The following FSTL4 variants were observed in gnomAD, a reference collection of about 807,000 sequenced individuals.
FSTL4 encodes follistatin-related protein 4.
FSTL4 carries 28 observed loss-of-function variants against 78.2 expected under a neutral mutation model. The observed-to-expected ratio is 0.36, with a 90% CI of 0.27 to 0.49. The LOEUF (loss-of-function observed/expected upper bound fraction) is 0.49. FSTL4 is among the 20% of genes least tolerant of loss of function. The pLI is 0.98. For synonymous variants in FSTL4, 422 were observed against 440.5 expected, an observed-to-expected ratio of 0.96 and a Z score of 0.53; for missense variants, 922 against 1,084.9, an observed-to-expected ratio of 0.85 and a Z score of 2.11.
At chr5:133,836,511 G>T in the FSTL4 span, among the ~76,000 whole-genome samples, 2 of 152,128 alleles carry the variant, frequency 1.3e-5, no homozygotes, top group Non-Finnish European at 2.9e-5. Flanking sequence ...GACATAGTCA[G>T]ATTTTTACCC....
intron 14 of FSTL4, chr5:133,209,986 C>T: frequency 2.1e-6 from 1 of 476,610 alleles, no homozygotes; most frequent in Admixed American, 3.3e-5. Context: ...ATGTCAGAAT[C>T]CTATTCATCA....
chr5:133,816,503 T>C, the FSTL4 span, among the ~76,000 whole-genome samples: 1 of 152,084 alleles, frequency 6.6e-6, no homozygotes, highest in African/African-American at 2.4e-5. Flanking sequence ...GACCTGTCAC[T>C]CCACAGAAGC....
chr5:133,778,928 C>G, the FSTL4 span, among the ~76,000 whole-genome samples: 131,261 of 152,134 alleles, frequency 0.86, 56,686 homozygotes, highest in Middle Eastern at 0.89. Flanking sequence ...GCTGGGACAA[C>G]GTACAAAGTG....
chr5:133,834,511 G>T, the FSTL4 span, among the ~76,000 whole-genome samples: 1 of 150,446 alleles, frequency 6.6e-6, no homozygotes, highest in Non-Finnish European at 1.5e-5. Flanking sequence ...CTAATTTTGT[G>T]GGGGGTGGGG....
intron 4 of FSTL4, among the ~76,000 whole-genome samples, chr5:133,348,238 G>A (rs1413406832): frequency 3.3e-5 from 5 of 152,200 alleles, no homozygotes; most frequent in Non-Finnish European, 7.3e-5. Context: ...CTTTTGAAAG[G>A]TAATTTATGT....
chr5:133,329,309 C>T (rs1263182971), intron 4 of FSTL4, among the ~76,000 whole-genome samples: 1 of 152,142 alleles, frequency 6.6e-6, no homozygotes, highest in Non-Finnish European at 1.5e-5. Context: ...CGATCCTGAC[C>T]TTCACGGTAC....
intron 3 of FSTL4, among the ~76,000 whole-genome samples, chr5:133,470,719 T>C (rs1376528137): frequency 6.8e-6 from 1 of 147,700 alleles, no homozygotes; most frequent in Non-Finnish European, 1.5e-5. Flanking sequence ...CACTCCAGCC[T>C]GGGGAACAAG....
intron 4 of FSTL4, among the ~76,000 whole-genome samples, chr5:133,377,060 G>C (rs1378051260): frequency 6.6e-6 from 1 of 152,090 alleles, no homozygotes; most frequent in Non-Finnish European, 1.5e-5. Flanking sequence ...TTCCAGTCAA[G>C]GTATATAATA....
chr5:133,369,947 GTGAGGCGC>G (rs1561689428), intron 4 of FSTL4, among the ~76,000 whole-genome samples: 1 of 146,598 alleles, frequency 6.8e-6, no homozygotes, highest in Non-Finnish European at 1.5e-5. Flanking sequence ...CCAGGTGCCA[GTGAGGCGC>G]TGCTGATTTG....
At chr5:133,664,857 A>G in the FSTL4 span, among the ~76,000 whole-genome samples, 2 of 152,230 alleles carry the variant, frequency 1.3e-5, no homozygotes, top group African/African-American at 4.8e-5. Context: ...ATGACTCAGT[A>G]TACATGATTT....
intron 4 of FSTL4, among the ~76,000 whole-genome samples, chr5:133,324,374 G>T (rs1754152008): frequency 6.6e-6 from 1 of 152,256 alleles, no homozygotes; most frequent in South Asian, 2.1e-4. Flanking sequence ...GATCCCAGGG[G>T]TGAGGCACCT....
the FSTL4 span, among the ~76,000 whole-genome samples, chr5:133,626,447 C>T: frequency 6.8e-6 from 1 of 146,988 alleles, no homozygotes; most frequent in Non-Finnish European, 1.5e-5. Flanking sequence ...AAGCAATTCA[C>T]CTGCCTCAGT....
Position 133,545,077 on chromosome 5 carries a change from C to G in FSTL4, c.160+22109G>C, listed in dbSNP as rs539863447. The stretch of plus-strand genomic sequence containing the variant: ...CCTTATATCACACCCTTATATCACA[C>G]CTGAGTTTACATTAAGAGATGAGAT... On this transcript the variant is annotated intron_variant, in intron 3 of 15. Transcript: ENST00000265342. Among the ~76,000 whole-genome samples the G allele has an allele frequency of 3.9e-5, 6 of 152,242 alleles. No individual in the cohort carries two copies. The South Asian group carries it at 8.3e-4, about 21-fold the overall frequency.
intron 3 of FSTL4, among the ~76,000 whole-genome samples, chr5:133,463,919 T>C (rs1757648115): frequency 6.6e-6 from 1 of 152,246 alleles, no homozygotes; most frequent in African/African-American, 2.4e-5. Flanking sequence ...GCTTCTTCAC[T>C]GGCATTACAA....
chr5:133,267,140 A>G (rs920583214), intron 6 of FSTL4, among the ~76,000 whole-genome samples: 9 of 152,150 alleles, frequency 5.9e-5, no homozygotes, highest in Admixed American at 1.3e-4. Context: ...CTGGGTGATG[A>G]TTCAACAGGT....
chr5:133,454,039 G>C (rs1387107502), intron 3 of FSTL4, among the ~76,000 whole-genome samples: 1 of 152,066 alleles, frequency 6.6e-6, no homozygotes, highest in African/African-American at 2.4e-5. Context: ...TTATCTAGCT[G>C]AGCCATGATG....
At chr5:133,503,317 T>C (rs964810574) in intron 3 of FSTL4, among the ~76,000 whole-genome samples, 5 of 152,130 alleles carry the variant, frequency 3.3e-5, no homozygotes, top group African/African-American at 7.2e-5. Flanking sequence ...ATTTAAAACC[T>C]TGATTAGTAG....
intron 6 of FSTL4, among the ~76,000 whole-genome samples, chr5:133,289,530 T>C (rs1221168154): frequency 6.6e-6 from 1 of 152,186 alleles, no homozygotes; most frequent in Non-Finnish European, 1.5e-5. Context: ...TGGCTGCCAC[T>C]TTCTCCCCTT....
intron 3 of FSTL4, among the ~76,000 whole-genome samples, chr5:133,543,345 C>G (rs928285421): frequency 6.6e-6 from 1 of 152,166 alleles, no homozygotes; most frequent in African/African-American, 2.4e-5. Flanking sequence ...AGCCACCATG[C>G]CTAGCCTCTT....
Sources: gnomAD v4.1 joint callset for allele counts (sites outside exome capture counted in the v4.1 genomes callset) on GRCh38, gnomAD v4.1.1 for gene constraint, MANE v1.5 for transcripts, NCBI Gene and HGNC (gene_info 2026-07-23, HGNC 2026-07-21) for gene names.